AFF2: variants seen among roughly 807,000 people sequenced by gnomAD.
The protein encoded by AFF2 is AF4/FMR2 family member 2.
AFF2 carries 14 observed loss-of-function variants against 76.9 expected under a neutral mutation model. That is an observed-to-expected ratio of 0.18 (90% CI 0.12 to 0.28). The LOEUF is 0.28. Ranked by LOEUF, AFF2 falls within the 10% of genes least tolerant of loss-of-function variation. The probability of loss-of-function intolerance (pLI) is 1.00; values close to 1 mark genes in which losing one functional copy is unlikely to be tolerated. For synonymous variants in AFF2, 398 were observed against 366.7 expected (o/e 1.09, Z -0.98); for missense variants, 868 against 1,001.1 (o/e 0.87, Z 1.79).
Position 148,662,247 on chromosome X carries a change from G to T in AFF2, c.520G>T (p.Ala174Ser). Residue 174 changes from alanine to serine, a missense_variant, in exon 3 of 21, where the codon GCC becomes TCC. By Grantham distance (99) the Ala-to-Ser change is moderately conservative (BLOSUM62 1). Transcript: ENST00000370460. ...HNPSTVLASQASGQPNKMQTL... is the reference protein window; with the variant it reads ...HNPSTVLASQSSGQPNKMQTL... Reference sequence around the variant, plus strand: ...CCCTAGCACTGTACTGGCAAGCCAGGCCAGTGGTCAGCCAAACAAGATGCA... The same window carrying T: ...CCCTAGCACTGTACTGGCAAGCCAGTCCAGTGGTCAGCCAAACAAGATGCA... 8.3e-7 allele frequency: 1 copy of T among 1,211,454 alleles called. No homozygotes were observed. Among genetic ancestry groups the T allele is most frequent in the South Asian group, 1.8e-5 (1 of 56,974 alleles).
chrX:148,743,509 C>T (rs1219953305), intron 3 of AFF2, among the ~76,000 whole-genome samples: 2 of 111,713 alleles, frequency 1.8e-5, no homozygotes, highest in South Asian at 3.7e-4. Flanking sequence ...AATGAACATT[C>T]GGTAATGATA....
intron 3 of AFF2, among the ~76,000 whole-genome samples, chrX:148,797,672 A>T (rs992927164): frequency 1.8e-5 from 2 of 111,536 alleles, no homozygotes; most frequent in African/African-American, 3.3e-5. Flanking sequence ...CTTTCTATTA[A>T]AGTTATTGTC....
At chrX:148,879,936 A>G (rs1419007770) in intron 7 of AFF2, among the ~76,000 whole-genome samples, 12 of 111,638 alleles carry the variant, frequency 1.1e-4, no homozygotes, top group African/African-American at 2.9e-4. Flanking sequence ...TGAAATACCT[A>G]TTTTCTGAAC....
chrX:148,617,143 C>T (rs1404742681), intron 1 of AFF2, among the ~76,000 whole-genome samples: 1 of 111,624 alleles, frequency 9.0e-6, no homozygotes, highest in East Asian at 2.8e-4. Context: ...CTTGAGGAAT[C>T]GCCACACTGA....
chrX:148,718,951 G>A (rs1367460397), intron 3 of AFF2: 2 of 515,339 alleles, frequency 3.9e-6, no homozygotes, highest in Non-Finnish European at 5.8e-6. Context: ...GAGTATTCAG[G>A]TGTCTAAGAA....
At chrX:148,785,121 ACG>A (rs2124616680) in intron 3 of AFF2, among the ~76,000 whole-genome samples, 1 of 112,217 alleles carries the variant, frequency 8.9e-6, no homozygotes, top group Non-Finnish European at 1.9e-5. Flanking sequence ...GTATGTGTGT[ACG>A]CATGCGCATG....
chrX:148,771,848 G>C (rs1343495538), intron 3 of AFF2, among the ~76,000 whole-genome samples: 1 of 111,763 alleles, frequency 8.9e-6, no homozygotes, highest in Admixed American at 9.6e-5. Flanking sequence ...AGATTTTAAA[G>C]GGTGTAATTT....
chrX:148,846,962 A>G (rs868951884), intron 7 of AFF2, among the ~76,000 whole-genome samples: 83 of 111,255 alleles, frequency 7.5e-4, no homozygotes, highest in Middle Eastern at 9.3e-3. Context: ...GTGCAGTGGC[A>G]GGATCTCGGC....
intron 1 of AFF2, among the ~76,000 whole-genome samples, chrX:148,609,660 T>C (rs2053707266): frequency 8.9e-6 from 1 of 111,810 alleles, no homozygotes; most frequent in African/African-American, 3.3e-5. Context: ...CTCCTCTCCT[T>C]CTTACTCCAC....
intron 7 of AFF2, among the ~76,000 whole-genome samples, chrX:148,859,996 G>T (rs1466275397): frequency 9.0e-6 from 1 of 111,243 alleles, no homozygotes. Context: ...ATGGTGCCAA[G>T]TGATGCTTAC....
chrX:148,695,284 A>G (rs1378758118), intron 3 of AFF2, among the ~76,000 whole-genome samples: 1 of 112,153 alleles, frequency 8.9e-6, no homozygotes, highest in African/African-American at 3.2e-5. Context: ...GAGACTATGC[A>G]TTTGGATGTT....
intron 3 of AFF2, among the ~76,000 whole-genome samples, chrX:148,679,341 T>C (rs1363464596): frequency 9.2e-6 from 1 of 108,870 alleles, no homozygotes; most frequent in Non-Finnish European, 1.9e-5. Context: ...CTAATAGACA[T>C]TTAAAAATTA....
chrX:148,996,257 A>G lies in AFF2; in HGVS notation c.*4925A>G, dbSNP rs1557293108. ...AAGTTAATGCCGTGTTGCCCAGAAC[A>G]AGATCTAGCTTCTCATTTGGTCAGC... On this transcript the variant is annotated 3_prime_UTR_variant, in exon 21 of 21. Coordinates refer to ENST00000370460, the MANE Select transcript of AFF2 (RefSeq NM_002025.4). The G allele has an allele frequency of 8.9e-6, 1 of 112,814 alleles. No individual in the cohort carries two copies. Among genetic ancestry groups the G allele is most frequent in the Non-Finnish European group, 1.9e-5 (1 of 53,365 alleles). The allele number at this position is 112,814 out of a possible 1,213,427, so 9.3% of individuals were successfully genotyped here.
chrX:148,918,536 A>C (rs1411314471), intron 9 of AFF2, among the ~76,000 whole-genome samples: 5 of 111,902 alleles, frequency 4.5e-5, no homozygotes, highest in African/African-American at 1.3e-4. Flanking sequence ...TAATTATAAA[A>C]AGAATCCATA....
chrX:148,902,818 A>G (rs1557281031), intron 8 of AFF2, among the ~76,000 whole-genome samples: 1 of 111,673 alleles, frequency 9.0e-6, no homozygotes, highest in Non-Finnish European at 1.9e-5. Flanking sequence ...TGGTGAGAAA[A>G]TGATTTTTGC....
At chrX:148,802,841 A>C (rs1203011405) in intron 3 of AFF2, among the ~76,000 whole-genome samples, 1 of 111,634 alleles carries the variant, frequency 9.0e-6, no homozygotes. Context: ...TCTAACATTT[A>C]CTCTTTAATT....
chrX:148,570,218 T>C (rs376390402), intron 1 of AFF2, among the ~76,000 whole-genome samples: 2 of 112,002 alleles, frequency 1.8e-5, no homozygotes, highest in East Asian at 5.6e-4. Flanking sequence ...AGACCCTCAG[T>C]ATGCTTAAGA....
chrX:148,879,757 T>C (rs1224889675), intron 7 of AFF2, among the ~76,000 whole-genome samples: 1 of 83,064 alleles, frequency 1.2e-5, no homozygotes, highest in Non-Finnish European at 2.3e-5. Context: ...TTCTTTTGAT[T>C]TTTTTACACA....
intron 1 of AFF2, among the ~76,000 whole-genome samples, chrX:148,614,676 C>T (rs1344292332): frequency 1.1e-5 from 1 of 91,437 alleles, no homozygotes; most frequent in Non-Finnish European, 2.2e-5. Flanking sequence ...TCCTTTTCTT[C>T]CTTCTTTCCT....
Sources: gnomAD v4.1 joint callset for allele counts (sites outside exome capture counted in the v4.1 genomes callset) on GRCh38, gnomAD v4.1.1 for gene constraint, MANE v1.5 for transcripts, NCBI Gene and HGNC (gene_info 2026-07-23, HGNC 2026-07-21) for gene names.